CSNK1G2: variants seen among roughly 807,000 people sequenced by gnomAD.
CSNK1G2 encodes the protein casein kinase 1 gamma 2.
A neutral mutation model predicts 48.0 loss-of-function variants in CSNK1G2; 11 were observed. The observed-to-expected ratio is 0.23, with a 90% CI of 0.14 to 0.38. The LOEUF is 0.38. Among genes scored for constraint, CSNK1G2 ranks in the 10% least tolerant of loss-of-function variants. CSNK1G2 has a pLI of 1.00. For missense variants in CSNK1G2, 446 were observed against 595.5 expected (o/e 0.75, Z 2.61); for synonymous variants, 337 against 254.1 (o/e 1.33, Z -3.10).
intron 2 of CSNK1G2, chr19:1,976,206 C>A (rs2015748580): frequency 3.5e-6 from 3 of 858,784 alleles, no homozygotes; most frequent in Non-Finnish European, 5.0e-6. Flanking sequence ...ACGTGTTACA[C>A]TGGGGAGAAC....
intron 1 of CSNK1G2, among the ~76,000 whole-genome samples, chr19:1,950,041 G>A (rs1267319964): frequency 1.3e-5 from 2 of 152,230 alleles, no homozygotes; most frequent in African/African-American, 4.8e-5. Flanking sequence ...CAGAGTGACC[G>A]GTAGGCCCCA....
chr19:1,955,298 CCTGCTGCTG>C (rs142010723), intron 1 of CSNK1G2, among the ~76,000 whole-genome samples: 2 of 151,568 alleles, frequency 1.3e-5, no homozygotes, highest in Non-Finnish European at 2.9e-5. Context: ...TGACTGCCCT[CCTGCTGCTG>C]CTGCTGCTGC....
In CSNK1G2 at chr19:1,979,262, C is replaced by T. The variant is rs764952388; in HGVS notation, c.768+14C>T. The T allele has an allele frequency of 4.5e-6, 7 of 1,563,152 alleles. No homozygotes were observed. Among genetic ancestry groups the T allele is most frequent in the Non-Finnish European group, 6.1e-6 (7 of 1,154,776 alleles). ...CAGGGGCTCAAGGTGGGCGAGGAGG[C>T]CGGGCAGGCGGGCGGGGACGCAGGG... On this transcript the variant is annotated intron_variant, in intron 7 of 11. Coordinates refer to ENST00000255641, the MANE Select transcript of CSNK1G2 (RefSeq NM_001319.7).
intron 2 of CSNK1G2, chr19:1,975,789 A>G (rs749498003): frequency 2.4e-5 from 24 of 980,066 alleles, no homozygotes; most frequent in Non-Finnish European, 2.9e-5. Context: ...TAATCCCAAC[A>G]CTTTGGGAGG....
intron 1 of CSNK1G2, among the ~76,000 whole-genome samples, chr19:1,943,623 G>T (rs1269605319): frequency 6.6e-6 from 1 of 152,092 alleles, no homozygotes; most frequent in East Asian, 1.9e-4. Flanking sequence ...GTTGGGAGGG[G>T]GGGCACTGTG....
At chr19:1,980,115 C>T (rs779457759) in intron 11 of CSNK1G2, 34 bp from the exon 12 acceptor site, 1 of 1,612,066 alleles carries the variant, frequency 6.2e-7, no homozygotes, top group Non-Finnish European at 8.5e-7. Flanking sequence ...GCCCTGCACC[C>T]CGGTCCTCCT....
intron 1 of CSNK1G2, among the ~76,000 whole-genome samples, chr19:1,967,645 C>G (rs569217540): frequency 1.9e-4 from 29 of 151,588 alleles, no homozygotes; most frequent in African/African-American, 7.1e-4. Flanking sequence ...AACACCACAG[C>G]TGCCACCCTT....
intron 1 of CSNK1G2, among the ~76,000 whole-genome samples, chr19:1,949,945 A>G (rs1228053001): frequency 6.6e-6 from 1 of 152,180 alleles, no homozygotes; most frequent in African/African-American, 2.4e-5. Context: ...CCCTGTGACG[A>G]GCACGGCCAG....
At position 1,978,071 on chromosome 19, in the gene CSNK1G2, T is replaced by C. The variant is rs952856853; in HGVS notation, c.188-234T>C. On this transcript the variant is annotated intron_variant, in intron 2 of 11. Coordinates refer to ENST00000255641, the MANE Select transcript of CSNK1G2 (RefSeq NM_001319.7). This position sits in a 1 kb window ranked among gnomAD's most constrained non-coding sequence, Gnocchi z 7.3. ...AGGTGGGGGGGCGGGGGAGGAGGAG[T>C]GGCAGACACTGAGGCGGTGACCACA... 1.4e-5 allele frequency among the ~76,000 whole-genome samples: 2 copies of C among 143,394 alleles called. No individual in the cohort carries two copies. The highest frequency in any genetic ancestry group is 1.4e-4 in the Admixed American group (2 of 14,392). The allele number at this position is 143,394 out of a possible 152,430, so 94.1% of individuals were successfully genotyped here. A position where few individuals can be genotyped will look rare whatever the true frequency, so the allele number is the denominator to read the frequency against.
intron 1 of CSNK1G2, chr19:1,953,322 G>C: frequency 1.9e-6 from 1 of 523,432 alleles, no homozygotes; most frequent in Non-Finnish European, 3.9e-6. Flanking sequence ...TGAGGCTGCT[G>C]AGGTGGCGCA....
intron 2 of CSNK1G2, among the ~76,000 whole-genome samples, chr19:1,972,323 C>T (rs956165137): frequency 2.0e-5 from 3 of 152,218 alleles, no homozygotes; most frequent in South Asian, 2.1e-4. Flanking sequence ...GAGCACTCCA[C>T]GTCCCCAGCA....
At chr19:1,970,398 A>T (rs1324640546) in intron 2 of CSNK1G2, among the ~76,000 whole-genome samples, 1 of 152,154 alleles carries the variant, frequency 6.6e-6, no homozygotes, top group East Asian at 1.9e-4. Context: ...TTCTGTGGTG[A>T]TGATACTGCT....
chr19:1,966,639 A>C (rs1456392749), intron 1 of CSNK1G2, among the ~76,000 whole-genome samples: 1 of 152,162 alleles, frequency 6.6e-6, no homozygotes, highest in Admixed American at 6.5e-5. Context: ...TGGGTAATCA[A>C]TGCTATCAGA....
At chr19:1,959,867 C>T (rs1258632598) in intron 1 of CSNK1G2, among the ~76,000 whole-genome samples, 2 of 150,638 alleles carry the variant, frequency 1.3e-5, no homozygotes, top group Non-Finnish European at 3.0e-5. Flanking sequence ...TTTAGTGCCA[C>T]CGTGGGTCCC....
In CSNK1G2 at chr19:1,980,558, C is replaced by T. The variant is rs961453900; in HGVS notation, c.*355C>T. 7 of 305,202 alleles carry T rather than the reference C, an allele frequency of 2.3e-5. No individual in the cohort carries two copies. Among genetic ancestry groups the T allele is most frequent in the East Asian group, 1.7e-4 (2 of 11,644 alleles). 18.9% of individuals were successfully genotyped at this position (305,202 alleles called of 1,614,324 possible). On this transcript the variant is annotated 3_prime_UTR_variant, in exon 12 of 12. Transcript: ENST00000255641. ...GAGTAGTGTGATCCTGGAGGCCCCC[C>T]GGCCTGGCCCCGCCCCGCCAGCCGC... is the stretch of plus-strand genomic sequence containing the variant.
At position 1,950,538 on chromosome 19, in the gene CSNK1G2, G is replaced by C. The variant is rs553635688; in HGVS notation, c.-266+9120G>C. 1.2e-4 allele frequency among the ~76,000 whole-genome samples: 18 copies of C among 147,048 alleles called. 4 individuals carry two copies. Among genetic ancestry groups the C allele is most frequent in the African/African-American group, 4.4e-4 (17 of 38,606 alleles). On this transcript the variant is annotated intron_variant, in intron 1 of 11. Coordinates refer to ENST00000255641, the MANE Select transcript of CSNK1G2 (RefSeq NM_001319.7). Reference sequence around the variant, plus strand: ...AGAAGATGTTCTTTCACAAACCTCAGATTCCAGGAGATGAGCACCGTCCGC... The same window carrying C: ...AGAAGATGTTCTTTCACAAACCTCACATTCCAGGAGATGAGCACCGTCCGC...
chr19:1,964,732 T>TTA (rs1555681292), intron 1 of CSNK1G2, among the ~76,000 whole-genome samples: 6 of 116,790 alleles, frequency 5.1e-5, no homozygotes, highest in Non-Finnish European at 9.9e-5. Context: ...TTTGTTTTTT[T>TTA]GTTTTTTTTT....
intron 1 of CSNK1G2, among the ~76,000 whole-genome samples, chr19:1,948,031 G>T (rs1487586103): frequency 6.6e-6 from 1 of 152,190 alleles, no homozygotes; most frequent in Non-Finnish European, 1.5e-5. Flanking sequence ...AAAGCTTCGT[G>T]GGCCGGGACC....
At chr19:1,948,277 A>G (rs2014638277) in intron 1 of CSNK1G2, among the ~76,000 whole-genome samples, 1 of 151,870 alleles carries the variant, frequency 6.6e-6, no homozygotes. Flanking sequence ...TAATCCCAGC[A>G]CTTTGGGAGG....
Sources: gnomAD v4.1 joint callset for allele counts (sites outside exome capture counted in the v4.1 genomes callset) on GRCh38, gnomAD v4.1.1 for gene constraint, Gnocchi (gnomAD v3.1) non-coding constraint, MANE v1.5 for transcripts, NCBI Gene and HGNC (gene_info 2026-07-23, HGNC 2026-07-21) for gene names.